The following GLS2 variants were observed in gnomAD, a reference collection of about 807,000 sequenced individuals.
The protein encoded by GLS2 is glutaminase liver isoform, mitochondrial.
GLS2 carries 52 observed loss-of-function variants against 79.0 expected under a neutral mutation model. That is an observed-to-expected ratio of 0.66 (90% CI 0.53 to 0.83). The LOEUF is 0.83. GLS2 is among the 40% of genes least tolerant of loss of function. The pLI is 0.00. For synonymous variants in GLS2, 238 were observed against 280.8 expected, an observed-to-expected ratio of 0.85 and a Z score of 1.52; for missense variants, 561 against 764.8, an observed-to-expected ratio of 0.73 and a Z score of 3.14.
In GLS2 at chr12:56,474,723, A is replaced by G. The variant is rs769545052; in HGVS notation, c.1048-3T>C. On this transcript the variant is annotated splice_region_variant and splice_polypyrimidine_tract_variant and intron_variant, in intron 11 of 17. Transcript: ENST00000311966. ...CAAGTGACCTCCACAGAACACAGCT[A>G]TGAAAACAAAGAATAGGTGAAGATG... The G allele has an allele frequency of 3.1e-6, 5 of 1,608,602 alleles. No homozygotes were observed. Among genetic ancestry groups the G allele is most frequent in the Non-Finnish European group, 3.4e-6 (4 of 1,176,392 alleles).
chr12:56,477,998 AC>A lies in GLS2; in HGVS notation c.712del (p.Val238CysfsTer40). On this transcript the variant is annotated frameshift_variant, in exon 6 of 18. Transcript: ENST00000311966. LOFTEE classifies it high-confidence loss of function. ...TGGCTCTTTGCCCACAAACTTGTGC[AC>A]GTAGTCAGTGCCTAGGGTGCTTATG... ...ISISTLGTDYVHKFVGKEPSG... is the reference protein window; with the variant it reads ...ISISTLGTDYXHKFVGKEPSG... The A allele has an allele frequency of 6.2e-7, 1 of 1,614,212 alleles. No homozygotes were observed. The highest frequency in any genetic ancestry group is 8.5e-7 in the Non-Finnish European group (1 of 1,180,030).
At chr12:56,478,364 G>A in intron 4 of GLS2, 102 bp from the exon 5 acceptor site, 1 of 1,258,736 alleles carries the variant, frequency 7.9e-7, no homozygotes, top group Non-Finnish European at 1.1e-6. Context: ...CTAAAATTCT[G>A]TCTTCTATAG....
chr12:56,472,794 C>T (rs1275705992), intron 14 of GLS2, 43 bp from the exon 15 acceptor site: 3 of 1,576,456 alleles, frequency 1.9e-6, no homozygotes, highest in African/African-American at 1.3e-5. Flanking sequence ...TTGAACTCAC[C>T]TATGCCAGCT....
Position 56,474,571 on chromosome 12 carries a change from A to G in GLS2, c.1197T>C (p.Tyr399=). ...GGAAGGCAAACTGGCCAGAGAAGTC[A>G]TACATGCCGCAGGAATGCATGAGGC... is the stretch of plus-strand genomic sequence containing the variant. ...TLSLMHSCGM[Y]DFSGQFAFHV... is the part of the protein sequence containing the mutation. Residue 399 remains tyrosine, a synonymous_variant, in exon 12 of 18, where the codon TAT becomes TAC. Transcript: ENST00000311966. The G allele has an allele frequency of 1.2e-6, 2 of 1,614,142 alleles. No individual in the cohort carries two copies. The highest frequency in any genetic ancestry group is 1.7e-6 in the Non-Finnish European group (2 of 1,180,042).
chr12:56,471,591 C>T lies in GLS2; in HGVS notation c.1705G>A (p.Val569Ile). ...TCCTGGTAATCTTGAAGCAGTTTGACCACCTCCAGATGGTTGAACTGCACA... is the reference window on the plus strand; with the variant it reads ...TCCTGGTAATCTTGAAGCAGTTTGATCACCTCCAGATGGTTGAACTGCACA... ...DAVQFNHLEVVKLLQDYQDSY... is the reference protein window; with the variant it reads ...DAVQFNHLEVIKLLQDYQDSY... Residue 569 changes from valine (V) to isoleucine (I), a missense_variant, in exon 18 of 18, where the codon GTC becomes ATC. Physicochemically the swap from Val to Ile is conservative, Grantham distance 29. This residue lies in a region of GLS2 where 136 missense variants were observed against 228.6 expected (regional missense o/e 0.59). Transcript: ENST00000311966. 1.9e-6 allele frequency: 3 copies of T among 1,614,098 alleles called. No individual in the cohort carries two copies. Among genetic ancestry groups the T allele is most frequent in the Non-Finnish European group, 8.5e-7 (1 of 1,180,014 alleles).
At chr12:56,475,539 C>T in intron 9 of GLS2, 85 bp downstream of exon 9, 5 of 1,390,082 alleles carry the variant, frequency 3.6e-6, no homozygotes, top group Middle Eastern at 1.8e-4. Flanking sequence ...CTAAGATTCT[C>T]TCTCCCCCAT....
chr12:56,475,414 T>C, intron 9 of GLS2: 1 of 701,794 alleles, frequency 1.4e-6, no homozygotes, highest in Non-Finnish European at 2.3e-6. Context: ...TCACACTGCC[T>C]CTCTCATTAT....
intron 16 of GLS2, 91 bp from the exon 17 acceptor site, chr12:56,471,927 G>A (rs1443577925): frequency 7.2e-7 from 1 of 1,394,300 alleles, no homozygotes; most frequent in Non-Finnish European, 1.0e-6. Context: ...ACCAAGAGGG[G>A]AGGGGAAAAG....
Position 56,478,277 on chromosome 12 carries a change from G to T in GLS2, c.535-15C>A. The T allele has an allele frequency of 2.5e-6, 4 of 1,612,932 alleles. No individual in the cohort carries two copies. Among genetic ancestry groups the T allele is most frequent in the Non-Finnish European group, 3.4e-6 (4 of 1,178,890 alleles). On this transcript the variant is annotated splice_polypyrimidine_tract_variant and intron_variant, in intron 4 of 17. Coordinates refer to ENST00000311966, the MANE Select transcript of GLS2 (RefSeq NM_013267.4). ...TAGGCTGCCACCTGGACATGAGTGG[G>T]TAGAGAAAAGGGAGATGGATGTGGA...
In GLS2 at chr12:56,471,361, G is replaced by A; in HGVS notation, c.*126C>T. 9.6e-7 allele frequency: 1 copy of A among 1,040,154 alleles called. No homozygotes were observed. Among genetic ancestry groups the A allele is most frequent in the Non-Finnish European group, 1.4e-6 (1 of 734,170 alleles). 64.4% of individuals were successfully genotyped at this position (1,040,154 alleles called of 1,614,324 possible). ...ACTCCCATAGAAAGCACTAGCCTAA[G>A]TCACCAAATGACTGCTTGGTCCCCA... is the stretch of plus-strand genomic sequence containing the variant. On this transcript the variant is annotated 3_prime_UTR_variant, in exon 18 of 18. Transcript: ENST00000311966.
Position 56,487,960 on chromosome 12 carries a change from G to T in GLS2, c.159C>A (p.Ser53Arg). The change falls in exon 1 of 18, where the codon AGC (serine) becomes AGA (arginine). Residue 53 changes from serine to arginine, a missense_variant. By Grantham distance (110) the Ser-to-Arg change is moderately radical (BLOSUM62 -1). This residue lies in a region of GLS2 where 161 missense variants were observed against 167.8 expected (regional missense o/e 0.96). Transcript: ENST00000311966. ...ACTGATCCTGGTGCTGCGGCTGGTG[G>T]CTGTGTGGCGTCTCTCTGCCCTGCG... ...AAAQGRETPH[S>R]HQPQHQDHDS... The T allele has an allele frequency of 1.2e-6, 2 of 1,603,004 alleles. No individual in the cohort carries two copies. Among genetic ancestry groups the T allele is most frequent in the Non-Finnish European group, 1.7e-6 (2 of 1,179,666 alleles).
chr12:56,473,737 T>A, intron 12 of GLS2, 143 bp from the exon 13 acceptor site: 1 of 960,502 alleles, frequency 1.0e-6, no homozygotes, highest in Middle Eastern at 3.3e-4. Flanking sequence ...AATTAGCTTC[T>A]TTTATTACTC....
Position 56,473,319 on chromosome 12 carries a change from T to C in GLS2, c.1358A>G (p.Lys453Arg), listed in dbSNP as rs1869481685. Residue 453 changes from lysine to arginine, a missense_variant and splice_region_variant, in exon 14 of 18, where the codon AAG becomes AGG. Lys to Arg is a conservative substitution (Grantham distance 26, BLOSUM62 2). Transcript: ENST00000311966. ...NSHRGTSFCQ[K>R]LVSLFNFHNY... Reference sequence around the variant, plus strand: ...GTGGAAATTGAAGAGAGACACCAACTTCTAGAATTGTAAGCCAAATATATT... The same window carrying C: ...GTGGAAATTGAAGAGAGACACCAACCTCTAGAATTGTAAGCCAAATATATT... 1 of 1,614,166 alleles carries C rather than the reference T, an allele frequency of 6.2e-7. No individual in the cohort carries two copies. Among genetic ancestry groups the C allele is most frequent in the African/African-American group, 1.3e-5 (1 of 75,048 alleles).
chr12:56,486,961 G>T (rs1176718608), intron 1 of GLS2, among the ~76,000 whole-genome samples: 1 of 62,560 alleles, frequency 1.6e-5, no homozygotes, highest in African/African-American at 9.5e-5. Flanking sequence ...AGGTAGTGTT[G>T]TGTCAGAGAC....
chr12:56,476,074 CCTG>C, intron 7 of GLS2, 97 bp from the exon 8 acceptor site: 1 of 1,180,150 alleles, frequency 8.5e-7, no homozygotes, highest in Non-Finnish European at 1.2e-6. Context: ...TTAGTCTGGT[CCTG>C]CTGCTGCAAA....
chr12:56,487,952 G>C lies in GLS2; in HGVS notation c.167C>G (p.Pro56Arg). 6.2e-7 allele frequency: 1 copy of C among 1,603,040 alleles called. No individual in the cohort carries two copies. The highest frequency in any genetic ancestry group is 8.5e-7 in the Non-Finnish European group (1 of 1,179,640). Residue 56 changes from proline (P) to arginine (R), a missense_variant, in exon 1 of 18, where the codon CCG (proline) becomes CGG (arginine). By Grantham distance (103) the Pro-to-Arg change is moderately radical. Coordinates refer to ENST00000311966, the MANE Select transcript of GLS2 (RefSeq NM_013267.4). The stretch of plus-strand genomic sequence containing the variant: ...GGAGCCTTACTGATCCTGGTGCTGC[G>C]GCTGGTGGCTGTGTGGCGTCTCTCT... ...QGRETPHSHQ[P>R]QHQDHDSSES...
At chr12:56,479,644 T>G (rs569011089) in intron 3 of GLS2, 136 bp downstream of exon 3, 263 of 1,051,492 alleles carry the variant, frequency 2.5e-4, no homozygotes, top group Non-Finnish European at 3.2e-4. Context: ...TGAGTATTCA[T>G]GTATAACTTA....
At chr12:56,483,206 A>G (rs1256993469) in intron 1 of GLS2, among the ~76,000 whole-genome samples, 4 of 148,618 alleles carry the variant, frequency 2.7e-5, no homozygotes, top group African/African-American at 1.0e-4. Context: ...TCAGCCTCCC[A>G]AGTAGCTGGG....
At chr12:56,476,558 AG>A (rs1311267065) in intron 7 of GLS2, 1 of 151,528 alleles carries the variant, frequency 6.6e-6, no homozygotes, top group Non-Finnish European at 1.5e-5. Context: ...GTTTGAGACC[AG>A]CCTAGGCAAC....
Sources: gnomAD v4.1 joint callset for allele counts (sites outside exome capture counted in the v4.1 genomes callset) on GRCh38, gnomAD v4.1.1 for gene constraint, gnomAD v4.1.1 regional missense constraint, MANE v1.5 for transcripts, NCBI Gene and HGNC (gene_info 2026-07-23, HGNC 2026-07-21) for gene names.